Variants in CAST observed in about 807,000 individuals in gnomAD.
CAST encodes the protein calpastatin, also known as MIR583 host.
A neutral mutation model predicts 119.6 loss-of-function variants in CAST; 76 were observed. The observed-to-expected ratio is 0.64, with a 90% CI of 0.53 to 0.77. The LOEUF is 0.77. CAST is among the 30% of genes least tolerant of loss of function. The pLI is 0.00. For synonymous variants in CAST, 319 were observed against 331.6 expected (o/e 0.96, Z 0.41); for missense variants, 953 against 946.5 (o/e 1.01, Z -0.09).
chr5:96,030,819 A>G, the CAST span, among the ~76,000 whole-genome samples: 4 of 152,178 alleles, frequency 2.6e-5, no homozygotes, highest in Non-Finnish European at 4.4e-5. Context: ...GCCCAAAAGG[A>G]GGATTACTTG....
the CAST span, chr5:96,410,936 C>G: frequency 6.2e-7 from 1 of 1,613,858 alleles, no homozygotes; most frequent in Non-Finnish European, 8.5e-7. Context: ...CTCCCTGACG[C>G]CCCCCGTTTC....
the CAST span, among the ~76,000 whole-genome samples, chr5:96,305,952 A>C: frequency 3.3e-5 from 5 of 152,180 alleles, no homozygotes; most frequent in Non-Finnish European, 7.4e-5. Context: ...TGGTATCAGG[A>C]TGATACTGGC....
At chr5:96,050,561 A>C in the CAST span, among the ~76,000 whole-genome samples, 1 of 152,232 alleles carries the variant, frequency 6.6e-6, no homozygotes, top group Admixed American at 6.5e-5. Context: ...GATCATCTCA[A>C]TAGTCTGTGA....
the CAST span, among the ~76,000 whole-genome samples, chr5:95,984,973 G>A: frequency 6.6e-5 from 9 of 135,422 alleles, no homozygotes; most frequent in Non-Finnish European, 1.2e-4. Flanking sequence ...GAGATAAAGA[G>A]CATTATTAAA....
the CAST span, among the ~76,000 whole-genome samples, chr5:96,146,257 G>T: frequency 6.6e-6 from 1 of 152,238 alleles, no homozygotes; most frequent in Non-Finnish European, 1.5e-5. Context: ...GTTGTCTGCT[G>T]ACCGCATGTG....
At chr5:96,380,194 G>T in the CAST span, among the ~76,000 whole-genome samples, 2 of 151,962 alleles carry the variant, frequency 1.3e-5, no homozygotes, top group Non-Finnish European at 2.9e-5. Flanking sequence ...TTAGATTGAT[G>T]GTACAAAAGC....
the CAST span, among the ~76,000 whole-genome samples, chr5:96,368,932 G>A: frequency 1.3e-5 from 2 of 151,972 alleles, no homozygotes; most frequent in Non-Finnish European, 2.9e-5. Context: ...CCTAAAGCTT[G>A]GTATTGCTGT....
intron 1 of CAST, among the ~76,000 whole-genome samples, chr5:96,562,107 T>C (rs1746384303): frequency 6.6e-6 from 1 of 152,086 alleles, no homozygotes; most frequent in Non-Finnish European, 1.5e-5. Flanking sequence ...TGTTTTTACA[T>C]ATGTATGTAA....
chr5:96,347,649 T>C, the CAST span, among the ~76,000 whole-genome samples: 1 of 152,172 alleles, frequency 6.6e-6, no homozygotes, highest in Non-Finnish European at 1.5e-5. Context: ...AAGACTACTC[T>C]GGTACCTCCA....
chr5:96,651,410 G>A (rs1748093344), intron 1 of CAST, among the ~76,000 whole-genome samples: 1 of 152,190 alleles, frequency 6.6e-6, no homozygotes, highest in South Asian at 2.1e-4. Flanking sequence ...TCATTACTTG[G>A]TTGTATCTTC....
At chr5:96,283,556 C>T in the CAST span, among the ~76,000 whole-genome samples, 1 of 152,194 alleles carries the variant, frequency 6.6e-6, no homozygotes, top group African/African-American at 2.4e-5. Context: ...CTGTTTGAAC[C>T]TGTGTTTCAT....
chr5:96,054,871 T>A, the CAST span, among the ~76,000 whole-genome samples: 1 of 152,080 alleles, frequency 6.6e-6, no homozygotes, highest in Non-Finnish European at 1.5e-5. Context: ...TCAGGGCAAA[T>A]CATCTCATCC....
chr5:96,617,414 A>C (rs1377427706), intron 1 of CAST, among the ~76,000 whole-genome samples: 1 of 152,230 alleles, frequency 6.6e-6, no homozygotes, highest in Non-Finnish European at 1.5e-5. Flanking sequence ...AGCTAAAAAA[A>C]GAAAGGGACA....
At chr5:96,112,911 G>C in the CAST span, among the ~76,000 whole-genome samples, 1 of 152,200 alleles carries the variant, frequency 6.6e-6, no homozygotes, top group Admixed American at 6.5e-5. Flanking sequence ...GGGAGATGGA[G>C]AGAGATAATA....
the CAST span, among the ~76,000 whole-genome samples, chr5:96,358,178 C>T: frequency 2.0e-5 from 3 of 151,952 alleles, no homozygotes; most frequent in African/African-American, 7.3e-5. Context: ...GTGGTGATCT[C>T]CCCTCTATCA....
chr5:96,394,877 A>C, the CAST span: 1 of 1,614,092 alleles, frequency 6.2e-7, no homozygotes, highest in East Asian at 2.2e-5. Flanking sequence ...CCCTGGATCC[A>C]CCATCTTCTC....
the CAST span, among the ~76,000 whole-genome samples, chr5:96,294,144 G>A: frequency 6.6e-6 from 1 of 152,172 alleles, no homozygotes; most frequent in Admixed American, 6.5e-5. Context: ...GTATTGCTAT[G>A]TAAAATGTTC....
chr5:96,643,876 AAAT>A (rs1019145896), intron 1 of CAST, among the ~76,000 whole-genome samples: 1 of 151,970 alleles, frequency 6.6e-6, no homozygotes, highest in African/African-American at 2.4e-5. Flanking sequence ...CATCTCAAAA[AAAT>A]AATAATAATA....
At chr5:96,436,659 AT>A in the CAST span, among the ~76,000 whole-genome samples, 2 of 152,196 alleles carry the variant, frequency 1.3e-5, no homozygotes, top group East Asian at 3.8e-4. Context: ...TAGATTCAGA[AT>A]CCATCTAAAT....
Sources: gnomAD v4.1 joint callset for allele counts (sites outside exome capture counted in the v4.1 genomes callset) on GRCh38, gnomAD v4.1.1 for gene constraint, MANE v1.5 for transcripts, NCBI Gene and HGNC (gene_info 2026-07-23, HGNC 2026-07-21) for gene names.